MIR2052HG: variants seen among roughly 807,000 people sequenced by gnomAD.
The protein encoded by MIR2052HG is MIR2052 host gene.
rs540618228 is a variant in MIR2052HG, at chr8:74,623,429, A to T, written n.216+10489A>T. ...AGATGTACTCATGTCACTGAAGTGT[A>T]CACAGTGTCGGGGAGAAAAGTAGAA... On this transcript the variant is annotated intron_variant and non_coding_transcript_variant, in intron 2 of 6. Coordinates refer to ENST00000523442, the Ensembl canonical transcript of MIR2052HG. 3.3e-4 allele frequency among the ~76,000 whole-genome samples: 50 copies of T among 152,348 alleles called. No homozygotes were observed. In the South Asian group the frequency reaches 8.9e-3, roughly 27 times the overall value.
At chr8:74,688,391 T>C (rs1319079980) in intron 2 of MIR2052HG, among the ~76,000 whole-genome samples, 1 of 152,210 alleles carries the variant, frequency 6.6e-6, no homozygotes, top group Non-Finnish European at 1.5e-5. Flanking sequence ...GTTTCTGTCT[T>C]AAAGAACTAA....
chr8:74,751,125 C>A lies in MIR2052HG; in HGVS notation n.372-1316C>A, dbSNP rs536112634. Among the ~76,000 whole-genome samples, 4 of 152,196 alleles carry A rather than the reference C, an allele frequency of 2.6e-5. No individual in the cohort carries two copies. The South Asian group carries it at 8.3e-4, about 32-fold the overall frequency. ...TGCTGGTGGCACTTACGGTCGTTTGCGGTCATGTGCAGAGTGGCAAAAAAG... is the reference window on the plus strand; with the variant it reads ...TGCTGGTGGCACTTACGGTCGTTTGAGGTCATGTGCAGAGTGGCAAAAAAG... On this transcript the variant is annotated intron_variant and non_coding_transcript_variant, in intron 4 of 6. Coordinates refer to ENST00000523442, the Ensembl canonical transcript of MIR2052HG.
chr8:74,649,989 G>T (rs945487565), intron 2 of MIR2052HG, among the ~76,000 whole-genome samples: 1 of 151,852 alleles, frequency 6.6e-6, no homozygotes. Context: ...GAAATTTTTA[G>T]TATGATTTAA....
intron 1 of MIR2052HG, chr8:74,604,256 T>A: frequency 1.1e-6 from 1 of 870,220 alleles, no homozygotes; most frequent in Non-Finnish European, 2.0e-6. Flanking sequence ...TCGAGCAGTG[T>A]TCTGGGGAGC....
chr8:74,611,977 G>C (rs758970250), intron 1 of MIR2052HG, among the ~76,000 whole-genome samples: 1 of 152,174 alleles, frequency 6.6e-6, no homozygotes, highest in Non-Finnish European at 1.5e-5. Context: ...CCAAAGCCTG[G>C]GATTCAGGGC....
intron 2 of MIR2052HG, among the ~76,000 whole-genome samples, chr8:74,671,895 A>T (rs1808997201): frequency 6.6e-6 from 1 of 152,116 alleles, no homozygotes; most frequent in African/African-American, 2.4e-5. Flanking sequence ...TCAGCGGCCT[A>T]CCAAACCAAA....
At chr8:74,612,858 G>C (rs930871840) in exon 2 of MIR2052HG, 1 of 456,106 alleles carries the variant, frequency 2.2e-6, no homozygotes, top group Admixed American at 2.4e-5. Flanking sequence ...TGCAGTTCCC[G>C]AGAGATCCCA....
intron 2 of MIR2052HG, among the ~76,000 whole-genome samples, chr8:74,674,002 G>T (rs1355621570): frequency 2.0e-5 from 3 of 147,264 alleles, no homozygotes; most frequent in East Asian, 4.0e-4. Context: ...CTTTTTTTAT[G>T]TTTTTTTTTA....
intron 1 of MIR2052HG, among the ~76,000 whole-genome samples, chr8:74,600,248 C>A (rs1807974466): frequency 6.6e-6 from 1 of 151,982 alleles, no homozygotes. Context: ...ATCTTGGCTC[C>A]TCCCTGAAAG....
chr8:74,637,509 C>A (rs1808596397), intron 2 of MIR2052HG, among the ~76,000 whole-genome samples: 1 of 152,104 alleles, frequency 6.6e-6, no homozygotes, highest in Non-Finnish European at 1.5e-5. Context: ...CAGAAAAACA[C>A]AGCCAATTTT....
chr8:74,710,222 T>C (rs1451093936), intron 4 of MIR2052HG, among the ~76,000 whole-genome samples: 1 of 152,068 alleles, frequency 6.6e-6, no homozygotes, highest in African/African-American at 2.4e-5. Flanking sequence ...ACAGAGGAAA[T>C]AAAATAATCA....
chr8:74,748,149 C>T (rs569708731), intron 4 of MIR2052HG, among the ~76,000 whole-genome samples: 5 of 152,226 alleles, frequency 3.3e-5, no homozygotes, highest in African/African-American at 1.2e-4. Context: ...ATGTCTCTAA[C>T]GCTGAAGGAT....
At chr8:74,675,698 G>A (rs928805835) in intron 2 of MIR2052HG, among the ~76,000 whole-genome samples, 20 of 151,836 alleles carry the variant, frequency 1.3e-4, no homozygotes, top group African/African-American at 4.6e-4. Flanking sequence ...TAAAAATAAG[G>A]ATCCAGGCAT....
At chr8:74,603,473 G>A (rs1295850257) in intron 1 of MIR2052HG, 2 of 1,598,854 alleles carry the variant, frequency 1.3e-6, no homozygotes, top group East Asian at 2.2e-5. Flanking sequence ...GCGCCTTGAC[G>A]CCCGATTATG....
intron 2 of MIR2052HG, among the ~76,000 whole-genome samples, chr8:74,654,946 G>A (rs904745338): frequency 1.3e-5 from 2 of 152,158 alleles, no homozygotes; most frequent in Non-Finnish European, 2.9e-5. Context: ...TAAGGCCCAG[G>A]CTGAGAAGGT....
intron 2 of MIR2052HG, among the ~76,000 whole-genome samples, chr8:74,687,559 C>A (rs538158375): frequency 1.9e-4 from 29 of 152,170 alleles, no homozygotes; most frequent in Non-Finnish European, 3.7e-4. Flanking sequence ...GAACATTATA[C>A]TAAGTAGAAT....
intron 2 of MIR2052HG, among the ~76,000 whole-genome samples, chr8:74,627,362 G>A (rs1808450920): frequency 6.6e-6 from 1 of 152,192 alleles, no homozygotes; most frequent in Non-Finnish European, 1.5e-5. Flanking sequence ...GCTGATGAGT[G>A]TTGCTGAATA....
chr8:74,696,471 G>C (rs947452593), intron 2 of MIR2052HG, among the ~76,000 whole-genome samples: 7 of 151,914 alleles, frequency 4.6e-5, no homozygotes, highest in Non-Finnish European at 1.0e-4. Context: ...AAATAACCAA[G>C]ATCAAAGCAG....
intron 1 of MIR2052HG, among the ~76,000 whole-genome samples, chr8:74,604,959 A>T (rs369221185): frequency 6.6e-6 from 1 of 152,106 alleles, no homozygotes; most frequent in Admixed American, 6.5e-5. Flanking sequence ...AATTTCTTGC[A>T]TGAGATTCAA....
Sources: gnomAD v4.1 joint callset for allele counts (sites outside exome capture counted in the v4.1 genomes callset) on GRCh38, gnomAD v4.1.1 for gene constraint, MANE v1.5 for transcripts, NCBI Gene and HGNC (gene_info 2026-07-23, HGNC 2026-07-21) for gene names.